LOXHD1: variants seen among roughly 807,000 people sequenced by gnomAD.
LOXHD1 encodes the protein lipoxygenase homology domain-containing protein 1.
LOXHD1 carries 205 observed loss-of-function variants against 248.2 expected under a neutral mutation model. The ratio of observed to expected loss-of-function variants is 0.83; its 90% CI spans 0.74 to 0.93. The LOEUF is 0.93. LOXHD1 is among the 40% of genes least tolerant of loss of function. The pLI is 0.00. For synonymous variants in LOXHD1, 1,113 were observed against 1,162.8 expected (o/e 0.96, Z 0.87); for missense variants, 2,930 against 2,971.6 (o/e 0.99, Z 0.33).
In LOXHD1 at chr18:46,477,952, C is replaced by T. The variant is rs990713297; in HGVS notation, c.6342G>A (p.Val2114=). ...ITITEMEYGN[V]YFFNCDCLIP... is the part of the protein sequence containing the mutation. ...TGAGGCAGTCACAGTTAAAGAAGTA[C>T]CTGGCAGAGAGGTGGGAGAGTGGAG... is the stretch of plus-strand genomic sequence containing the variant. The change falls in exon 41 of 41, where the codon GTG becomes GTA. Residue 2114 remains valine, a splice_region_variant and synonymous_variant. Coordinates refer to ENST00000642948, the MANE Select transcript of LOXHD1 (RefSeq NM_001384474.1). 1 of 1,546,074 alleles carries T rather than the reference C, an allele frequency of 6.5e-7. No individual in the cohort carries two copies. Among genetic ancestry groups the T allele is most frequent in the Admixed American group, 2.0e-5 (1 of 50,876 alleles).
intron 6 of LOXHD1, among the ~76,000 whole-genome samples, chr18:46,605,262 T>C (rs1387124190): frequency 2.0e-5 from 3 of 152,098 alleles, no homozygotes; most frequent in Non-Finnish European, 2.9e-5. Flanking sequence ...GCGTGGTGGC[T>C]CACACCGTAA....
chr18:46,533,426 T>G, intron 27 of LOXHD1, 102 bp from the exon 28 acceptor site: 1 of 1,348,790 alleles, frequency 7.4e-7, no homozygotes, highest in Non-Finnish European at 1.0e-6. Context: ...ACAAGGATCA[T>G]GGGGCCCCAT....
In LOXHD1 at chr18:46,559,436, C is replaced by A. The variant is rs1330934648; in HGVS notation, c.3216+12G>T. On this transcript the variant is annotated intron_variant, in intron 20 of 40. Transcript: ENST00000642948. ...ACAGCCCCCACCCAGGGGCCAGAGA[C>A]CCTCACCCTACCTGCCCCTGCTCAA... is the stretch of plus-strand genomic sequence containing the variant. The A allele has an allele frequency of 6.4e-7, 1 of 1,552,082 alleles. No homozygotes were observed. Among genetic ancestry groups the A allele is most frequent in the Admixed American group, 2.0e-5 (1 of 51,004 alleles).
chr18:46,572,172 A>C lies in LOXHD1; in HGVS notation c.1971-10T>G. 2 of 1,551,594 alleles carry C rather than the reference A, an allele frequency of 1.3e-6. No homozygotes were observed. Among genetic ancestry groups the C allele is most frequent in the Non-Finnish European group, 1.7e-6 (2 of 1,146,794 alleles). On this transcript the variant is annotated splice_polypyrimidine_tract_variant and intron_variant, in intron 14 of 40. Coordinates refer to ENST00000642948, the MANE Select transcript of LOXHD1 (RefSeq NM_001384474.1). ...ATCCTTGTCCAACCACCTGGTGGGC[A>C]AATGGGGGAATGTTAGCTCTTTGGG...
In LOXHD1 at chr18:46,516,978, A is replaced by G. The variant is rs183453764; in HGVS notation, c.5399+1151T>C. 5.3e-5 allele frequency among the ~76,000 whole-genome samples: 8 copies of G among 152,178 alleles called. No homozygotes were observed. In the East Asian group the frequency reaches 9.7e-4, roughly 18 times the overall value. ...CCACAATGTCCTCATCACCACCCCA[A>G]TCCAGAAGTATTGAGTGCCTACTAT... On this transcript the variant is annotated intron_variant, in intron 34 of 40. Transcript: ENST00000642948.
intron 28 of LOXHD1, among the ~76,000 whole-genome samples, chr18:46,531,356 C>T (rs946535957): frequency 6.6e-6 from 1 of 152,186 alleles, no homozygotes; most frequent in Non-Finnish European, 1.5e-5. Flanking sequence ...TACTGACCTG[C>T]GGTGACATTA....
chr18:46,582,521 T>A (rs2037982906), intron 12 of LOXHD1, among the ~76,000 whole-genome samples: 1 of 151,984 alleles, frequency 6.6e-6, no homozygotes, highest in African/African-American at 2.4e-5. Context: ...GACATATAAG[T>A]AGTAAGAAAC....
At position 46,657,154 on chromosome 18, in the gene LOXHD1, G is replaced by A. The variant is rs567314184; in HGVS notation, c.-121C>T. 1.3e-6 allele frequency: 2 copies of A among 1,490,736 alleles called. No individual in the cohort carries two copies. Among genetic ancestry groups the A allele is most frequent in the Non-Finnish European group, 1.8e-6 (2 of 1,111,126 alleles). The allele number at this position is 1,490,736 out of a possible 1,614,324, so 92.3% of individuals were successfully genotyped here. On this transcript the variant is annotated 5_prime_UTR_variant, in exon 1 of 41. Coordinates refer to ENST00000642948, the MANE Select transcript of LOXHD1 (RefSeq NM_001384474.1). ...ACGGCCCTCCTATAGCTCAGGCCTG[G>A]GTGGGCCAGAGTGCCCCGTTTTCTT...
chr18:46,620,937 A>G (rs1455027920), intron 4 of LOXHD1, among the ~76,000 whole-genome samples: 1 of 152,174 alleles, frequency 6.6e-6, no homozygotes, highest in East Asian at 1.9e-4. Flanking sequence ...AGTCTGGAGA[A>G]GCAGACCACG....
At chr18:46,549,638 T>C (rs1333728027) in intron 21 of LOXHD1, among the ~76,000 whole-genome samples, 1 of 152,220 alleles carries the variant, frequency 6.6e-6, no homozygotes, top group Non-Finnish European at 1.5e-5. Context: ...CTAGGATCCC[T>C]GGAGGAATGG....
intron 20 of LOXHD1, among the ~76,000 whole-genome samples, 186 bp from the exon 21 acceptor site, chr18:46,557,675 C>A (rs552587268): frequency 2.2e-4 from 34 of 152,312 alleles, no homozygotes; most frequent in Non-Finnish European, 4.1e-4. Flanking sequence ...AATTGTTTCC[C>A]TAACTTGTCC....
At chr18:46,522,350 T>G (rs1471674538) in intron 31 of LOXHD1, 41 bp from the exon 32 acceptor site, 2 of 1,501,586 alleles carry the variant, frequency 1.3e-6, no homozygotes, top group Non-Finnish European at 1.8e-6. Context: ...ACAGACCAGA[T>G]AGACAAGGCA....
At position 46,622,899 on chromosome 18, in the gene LOXHD1, T is replaced by TA. The variant is rs547236275; in HGVS notation, c.512-4610dup. 3.3e-5 allele frequency among the ~76,000 whole-genome samples: 5 copies of TA among 152,002 alleles called. No homozygotes were observed. The East Asian group carries it at 9.7e-4, about 29-fold the overall frequency. ...TTTTTGTTCATAGCCTGATTGAGAG[T>TA]AAGGAGCAGAAATGGAAACAGGTGA... is the stretch of plus-strand genomic sequence containing the variant. On this transcript the variant is annotated intron_variant, in intron 4 of 40. Coordinates refer to ENST00000642948, the MANE Select transcript of LOXHD1 (RefSeq NM_001384474.1).
chr18:46,550,426 A>G (rs1382931803), intron 21 of LOXHD1, among the ~76,000 whole-genome samples: 1 of 150,914 alleles, frequency 6.6e-6, no homozygotes, highest in Non-Finnish European at 1.5e-5. Flanking sequence ...ACAAAAAATT[A>G]GCCGGGCGCG....
intron 18 of LOXHD1, 42 bp from the exon 19 acceptor site, chr18:46,560,587 C>T (rs1279863697): frequency 6.8e-7 from 1 of 1,479,918 alleles, no homozygotes; most frequent in African/African-American, 1.4e-5. Context: ...GCCCCAGCGT[C>T]CTCCCCAACG....
intron 18 of LOXHD1, among the ~76,000 whole-genome samples, chr18:46,562,387 T>C (rs1400637884): frequency 6.6e-6 from 1 of 152,224 alleles, no homozygotes; most frequent in African/African-American, 2.4e-5. Flanking sequence ...ACACACATTG[T>C]CATATCTATA....
At position 46,618,205 on chromosome 18, in the gene LOXHD1, C is replaced by A; in HGVS notation, c.597G>T (p.Glu199Asp). Reference sequence around the variant, plus strand: ...CAAACCCATTACCTGTGTCTCCATACTCTCCAAAAATATTGATGAAGACAT... The same window carrying A: ...CAAACCCATTACCTGTGTCTCCATAATCTCCAAAAATATTGATGAAGACAT... The part of the protein sequence containing the change: ...DADVFINIFG[E>D]YGDTGERRLE... The change falls in exon 5 of 41, where the codon GAG becomes GAT. Residue 199 changes from glutamate (E) to aspartate (D), a missense_variant. By Grantham distance (45) the Glu-to-Asp change is conservative. Coordinates refer to ENST00000642948, the MANE Select transcript of LOXHD1 (RefSeq NM_001384474.1). 6.4e-7 allele frequency: 1 copy of A among 1,550,950 alleles called. No homozygotes were observed. Among genetic ancestry groups the A allele is most frequent in the Non-Finnish European group, 8.7e-7 (1 of 1,146,348 alleles).
At chr18:46,607,388 C>T (rs940790029) in intron 6 of LOXHD1, among the ~76,000 whole-genome samples, 10 of 147,506 alleles carry the variant, frequency 6.8e-5, no homozygotes, top group African/African-American at 1.5e-4. Flanking sequence ...TACATATATA[C>T]GTACGTATAT....
At chr18:46,513,039 C>T (rs1246737883) in intron 34 of LOXHD1, among the ~76,000 whole-genome samples, 1 of 152,022 alleles carries the variant, frequency 6.6e-6, no homozygotes, top group African/African-American at 2.4e-5. Flanking sequence ...GAAAGCATAG[C>T]CCCATGAGAT....
Sources: gnomAD v4.1 joint callset for allele counts (sites outside exome capture counted in the v4.1 genomes callset) on GRCh38, gnomAD v4.1.1 for gene constraint, MANE v1.5 for transcripts, NCBI Gene and HGNC (gene_info 2026-07-23, HGNC 2026-07-21) for gene names.